TMEM230: variants seen among roughly 807,000 people sequenced by gnomAD.
TMEM230 encodes the protein transmembrane protein 230, also known as UPF0414 transmembrane protein C20orf30.
TMEM230 carries 10 observed loss-of-function variants against 15.8 expected under a neutral mutation model. The ratio of observed to expected loss-of-function variants is 0.63; its 90% CI spans 0.39 to 1.07. The LOEUF is 1.07. Ranked by LOEUF, TMEM230 falls within the 50% of genes least tolerant of loss-of-function variation. TMEM230 has a pLI of 0.01. For synonymous variants in TMEM230, 67 were observed against 76.9 expected (o/e 0.87, Z 0.68); for missense variants, 165 against 193.3 (o/e 0.85, Z 0.87).
intron 4 of TMEM230, among the ~76,000 whole-genome samples, chr20:5,105,958 C>T (rs781276902): frequency 2.0e-5 from 3 of 151,942 alleles, no homozygotes; most frequent in Non-Finnish European, 4.4e-5. Context: ...CCCAGCTACT[C>T]GGGAGGCTGA....
At chr20:5,112,383 A>G (rs889753672) in intron 1 of TMEM230, among the ~76,000 whole-genome samples, 1 of 152,230 alleles carries the variant, frequency 6.6e-6, no homozygotes. Context: ...AGTTCAAACT[A>G]CCAGTATGTG....
At chr20:5,060,078 T>A in the TMEM230 span, among the ~76,000 whole-genome samples, 1 of 151,856 alleles carries the variant, frequency 6.6e-6, no homozygotes, top group African/African-American at 2.4e-5. Flanking sequence ...AGCCAGCTAA[T>A]GTTTTTAATC....
chr20:5,109,070 A>C (rs988224018), intron 3 of TMEM230: 16 of 262,056 alleles, frequency 6.1e-5, no homozygotes, highest in Non-Finnish European at 1.1e-4. Flanking sequence ...TTTCTGAATA[A>C]AGTAAATAAA....
rs1387963737 is a variant in TMEM230 at position 5,113,072 on chromosome 20, T to C, written c.-44A>G. The C allele has an allele frequency of 2.6e-6, 4 of 1,538,436 alleles. No homozygotes were observed. In the African/African-American group the frequency reaches 5.5e-5, roughly 21 times the overall value. On this transcript the variant is annotated 5_prime_UTR_variant, in exon 1 of 5. Coordinates refer to ENST00000342308, the MANE Select transcript of TMEM230 (RefSeq NM_001009923.2). ...GCCACTCAGCCGGCCCCAGGCGGGA[T>C]CAGTGCGCCGGAAGTGGCGTGCCGG...
chr20:5,111,607 TAAAAAAAAAAAAAAAAA>T lies in TMEM230; in HGVS notation c.69-19_69-3del, dbSNP rs758119588. On this transcript the variant is annotated splice_region_variant and splice_polypyrimidine_tract_variant and intron_variant, in intron 1 of 4. Transcript: ENST00000342308. ...CTGGGCGACAGAACTAGACTCCATC[TAAAAAAAAAAAAAAAAA>T]AAAAAAAAAAAAAAAAAAAAAAATT... 216 of 58,960 alleles carry T rather than the reference TAAAAAAAAAAAAAAAAA, an allele frequency of 3.7e-3. 1 individual carries two copies. Among genetic ancestry groups the T allele is most frequent in the Middle Eastern group, 0.015 (1 of 68 alleles). The allele number at this position is 58,960 out of a possible 1,614,324, so 3.7% of individuals were successfully genotyped here.
chr20:5,062,360 A>G, the TMEM230 span, among the ~76,000 whole-genome samples: 1 of 147,564 alleles, frequency 6.8e-6, no homozygotes, highest in Non-Finnish European at 1.5e-5. Flanking sequence ...ACACAGTGAG[A>G]CTCTGTCTCA....
chr20:5,084,423 CATATTGGT>C (rs982079507), intron 3 of TMEM230, among the ~76,000 whole-genome samples: 1 of 151,958 alleles, frequency 6.6e-6, no homozygotes, highest in Non-Finnish European at 1.5e-5. Flanking sequence ...GGGGTTTCAC[CATATTGGT>C]CAGGCTGGTC....
chr20:5,102,935 C>G (rs1443708414), intron 4 of TMEM230, among the ~76,000 whole-genome samples: 2 of 152,128 alleles, frequency 1.3e-5, no homozygotes, highest in Non-Finnish European at 2.9e-5. Context: ...TTCATCAGGA[C>G]CAAGTGGGAT....
intron 3 of TMEM230, among the ~76,000 whole-genome samples, chr20:5,107,784 A>C (rs907248704): frequency 2.0e-5 from 3 of 151,076 alleles, no homozygotes; most frequent in African/African-American, 7.3e-5. Context: ...ACTGTACCCA[A>C]GCCTGGGCAA....
chr20:5,078,725 G>C (rs191922279), intron 3 of TMEM230, among the ~76,000 whole-genome samples: 140 of 152,282 alleles, frequency 9.2e-4, no homozygotes, highest in Non-Finnish European at 1.5e-3. Flanking sequence ...ATGTGGCGAC[G>C]CCCTCCTTTA....
the TMEM230 span, among the ~76,000 whole-genome samples, chr20:5,061,628 A>G: frequency 4.7e-3 from 723 of 152,292 alleles, 1 homozygote; most frequent in Admixed American, 8.8e-3. Flanking sequence ...TATGCATTGT[A>G]TGAGAACATA....
In TMEM230 at chr20:5,093,182, T is replaced by C. The variant is rs1475048998; in HGVS notation, c.222+13006A>G. On this transcript the variant is annotated intron_variant, in intron 3 of 3. Coordinates refer to the TMEM230 transcript ENST00000612323. ...CATATAAAAATCAGTAGTGTTTCTA[T>C]ACATTAACGAAGAACTATTCAAAGA... Among the ~76,000 whole-genome samples, 5 of 152,234 alleles carry C rather than the reference T, an allele frequency of 3.3e-5. No individual in the cohort carries two copies. The East Asian group carries it at 9.6e-4, about 29-fold the overall frequency.
In TMEM230 at chr20:5,113,030, G is replaced by A. The variant is rs774302308; in HGVS notation, c.-2C>T. Reference sequence around the variant, plus strand: ...GGTTGGCAGCGCCCAAGGTTGCATGGCATGGCCCGCTTAAGTGCCACTCAG... The same window carrying A: ...GGTTGGCAGCGCCCAAGGTTGCATGACATGGCCCGCTTAAGTGCCACTCAG... On this transcript the variant is annotated 5_prime_UTR_variant, in exon 1 of 5. Coordinates refer to ENST00000342308, the MANE Select transcript of TMEM230 (RefSeq NM_001009923.2). 2 of 1,547,152 alleles carry A rather than the reference G, an allele frequency of 1.3e-6. No homozygotes were observed. Among genetic ancestry groups the A allele is most frequent in the South Asian group, 1.2e-5 (1 of 84,034 alleles).
chr20:5,060,211 C>CAGCTAATGTTTTTAATCTT, the TMEM230 span, among the ~76,000 whole-genome samples: 4 of 152,050 alleles, frequency 2.6e-5, no homozygotes, highest in African/African-American at 7.3e-5. Context: ...TGCACCCAGC[C>CAGCTAATGTTTTTAATCTT]CTGTTACCTT....
At chr20:5,063,506 C>T (rs1482141044), downstream of TMEM230, among the ~76,000 whole-genome samples, 1 of 151,914 alleles carries the variant, frequency 6.6e-6, no homozygotes, top group Non-Finnish European at 1.5e-5. Flanking sequence ...CTGGGCTGGT[C>T]TCGAACTTCT....
chr20:5,100,486 A>G lies in TMEM230; in HGVS notation c.*305T>C. On this transcript the variant is annotated 3_prime_UTR_variant, in exon 5 of 5. Transcript: ENST00000342308. ...TGGCAATGAAGACTATTTAAAAGAAATGCTCAGCTCTACAGAGGGTGGTGG... is the reference window on the plus strand; with the variant it reads ...TGGCAATGAAGACTATTTAAAAGAAGTGCTCAGCTCTACAGAGGGTGGTGG... 9.3e-7 allele frequency: 1 copy of G among 1,073,786 alleles called. No homozygotes were observed. Among genetic ancestry groups the G allele is most frequent in the Non-Finnish European group, 1.1e-6 (1 of 884,712 alleles). 66.5% of individuals were successfully genotyped at this position (1,073,786 alleles called of 1,614,324 possible).
downstream of TMEM230, among the ~76,000 whole-genome samples, chr20:5,097,452 T>A (rs568424764): frequency 5.9e-5 from 9 of 152,274 alleles, no homozygotes; most frequent in South Asian, 1.9e-3. Context: ...TATAGTCTGG[T>A]CAACACTTTG....
intron 3 of TMEM230, among the ~76,000 whole-genome samples, chr20:5,082,927 T>G (rs1325738943): frequency 1.3e-5 from 2 of 151,666 alleles, no homozygotes; most frequent in Admixed American, 6.6e-5. Context: ...ATATTGTTTT[T>G]TTTTTTTTTT....
chr20:5,100,250 T>C lies in TMEM230; in HGVS notation c.*541A>G. On this transcript the variant is annotated 3_prime_UTR_variant, in exon 5 of 5. Transcript: ENST00000342308. ...CATTTTGAAAACTTGCTCTGCAGGA[T>C]AAAAAAATTCCTGGTTGCTGTCAGT... 1 of 985,440 alleles carries C rather than the reference T, an allele frequency of 1.0e-6. No homozygotes were observed. The highest frequency in any genetic ancestry group is 1.2e-6 in the Non-Finnish European group (1 of 830,012). The allele number at this position is 985,440 out of a possible 1,614,324, so 61.0% of individuals were successfully genotyped here.
Sources: gnomAD v4.1 joint callset for allele counts (sites outside exome capture counted in the v4.1 genomes callset) on GRCh38, gnomAD v4.1.1 for gene constraint, MANE v1.5 for transcripts, NCBI Gene and HGNC (gene_info 2026-07-23, HGNC 2026-07-21) for gene names.